EIF2S2: variants seen among roughly 807,000 people sequenced by gnomAD.
EIF2S2 encodes the protein eukaryotic translation initiation factor 2 subunit beta.
In EIF2S2, 4 loss-of-function variants were observed where a neutral mutation model predicts 44.0. The ratio of observed to expected loss-of-function variants is 0.09; its 90% CI spans 0.04 to 0.21. EIF2S2 has a LOEUF of 0.21. EIF2S2 is among the 10% of genes least tolerant of loss of function. EIF2S2 has a pLI of 1.00. For synonymous variants in EIF2S2, 108 were observed against 128.3 expected (o/e 0.84, Z 1.07); for missense variants, 154 against 392.0 (o/e 0.39, Z 5.13).
At chr20:34,091,776 T>TTCG (rs4012181) in intron 7 of EIF2S2, among the ~76,000 whole-genome samples, 22 of 95,834 alleles carry the variant, frequency 2.3e-4, no homozygotes, top group African/African-American at 7.1e-4. Flanking sequence ...TTTATTTTTT[T>TTCG]GGGGGGGGGG....
At chr20:34,099,292 G>A (rs1460506010) in intron 3 of EIF2S2, among the ~76,000 whole-genome samples, 1 of 151,952 alleles carries the variant, frequency 6.6e-6, no homozygotes, top group Non-Finnish European at 1.5e-5. Flanking sequence ...AGGAAGCAGA[G>A]GTTGCAGTGA....
In EIF2S2 at chr20:34,097,524, TAAAA is replaced by T; in HGVS notation, c.434-12_434-9del. 6.2e-7 allele frequency: 1 copy of T among 1,610,600 alleles called. No homozygotes were observed. The highest frequency in any genetic ancestry group is 8.5e-7 in the Non-Finnish European group (1 of 1,179,290). On this transcript the variant is annotated splice_polypyrimidine_tract_variant and intron_variant, in intron 4 of 8. Coordinates refer to ENST00000374980, the MANE Select transcript of EIF2S2 (RefSeq NM_003908.5). ...TGTCTTCATCTTCTAGAGCTACAGA[TAAAA>T]AAGATTTTAAGAATGAGGGGTGGGC... is the stretch of plus-strand genomic sequence containing the variant.
chr20:34,103,863 T>A (rs532973003), intron 2 of EIF2S2, among the ~76,000 whole-genome samples: 1 of 152,252 alleles, frequency 6.6e-6, no homozygotes, highest in East Asian at 1.9e-4. Context: ...TGTGCCACCA[T>A]GCCCAGCAAA....
chr20:34,098,648 T>C lies in EIF2S2; in HGVS notation c.298-15A>G. 1.9e-6 allele frequency: 3 copies of C among 1,612,970 alleles called. No homozygotes were observed. Among genetic ancestry groups the C allele is most frequent in the Non-Finnish European group, 2.5e-6 (3 of 1,179,730 alleles). ...ATCTTAAGATCCTAAGAAAGTGAGA[T>C]GAGTCTGAACATTTGATACTGGGAC... On this transcript the variant is annotated splice_polypyrimidine_tract_variant and intron_variant, in intron 3 of 8. Transcript: ENST00000374980.
chr20:34,103,639 C>A (rs2034317829), intron 2 of EIF2S2, 74 bp from the exon 3 acceptor site: 3 of 1,418,134 alleles, frequency 2.1e-6, no homozygotes, highest in East Asian at 2.8e-5. Flanking sequence ...AAACATAGTT[C>A]AGCAATTAAT....
At chr20:34,105,588 T>C in intron 1 of EIF2S2, 43 bp from the exon 2 acceptor site, 1 of 1,481,010 alleles carries the variant, frequency 6.8e-7, no homozygotes, top group Non-Finnish European at 9.0e-7. Context: ...AATGATTGTT[T>C]TTAATGATGC....
rs1441194419 is a variant in EIF2S2, at chr20:34,088,363, G to A, written c.*1367C>T. The stretch of plus-strand genomic sequence containing the variant: ...TTCATGTAGAAATATCCAACATTGG[G>A]AATCGTGTGGGTGTAGATACAAAAA... On this transcript the variant is annotated 3_prime_UTR_variant, in exon 9 of 9. Coordinates refer to ENST00000374980, the MANE Select transcript of EIF2S2 (RefSeq NM_003908.5). 1 of 152,570 alleles carries A rather than the reference G, an allele frequency of 6.6e-6. No individual in the cohort carries two copies. Among genetic ancestry groups the A allele is most frequent in the Non-Finnish European group, 1.5e-5 (1 of 68,034 alleles). The allele number at this position is 152,570 out of a possible 1,614,324, so 9.5% of individuals were successfully genotyped here.
intron 3 of EIF2S2, among the ~76,000 whole-genome samples, chr20:34,100,582 C>T (rs2034284342): frequency 6.6e-6 from 1 of 151,354 alleles, no homozygotes; most frequent in Non-Finnish European, 1.5e-5. Context: ...TACCAAAGAC[C>T]CTGTTATCAC....
chr20:34,092,852 G>GT (rs2034183386), intron 7 of EIF2S2, among the ~76,000 whole-genome samples: 1 of 152,208 alleles, frequency 6.6e-6, no homozygotes, highest in Admixed American at 6.5e-5. Flanking sequence ...TGTCAAGCCT[G>GT]TTAGGTGATC....
intron 6 of EIF2S2, among the ~76,000 whole-genome samples, chr20:34,094,582 T>C (rs944875515): frequency 3.5e-4 from 54 of 152,154 alleles, no homozygotes; most frequent in African/African-American, 1.3e-3. Flanking sequence ...AGAAAGTGTA[T>C]GTCTAGAAGG....
intron 1 of EIF2S2, among the ~76,000 whole-genome samples, chr20:34,110,573 C>A (rs1341272321): frequency 6.6e-6 from 1 of 152,192 alleles, no homozygotes; most frequent in Non-Finnish European, 1.5e-5. Context: ...GCCATCTTTG[C>A]TTCACAAAAT....
At chr20:34,095,521 C>A (rs1206983374) in intron 6 of EIF2S2, among the ~76,000 whole-genome samples, 3 of 152,148 alleles carry the variant, frequency 2.0e-5, no homozygotes, top group African/African-American at 7.2e-5. Flanking sequence ...ACTATGTTGG[C>A]CAGCCTGGTC....
chr20:34,093,864 C>T, intron 6 of EIF2S2, 133 bp from the exon 7 acceptor site: 3 of 769,426 alleles, frequency 3.9e-6, no homozygotes, highest in Non-Finnish European at 6.1e-6. Flanking sequence ...TTTATTTAAA[C>T]TTTGAAATAA....
intron 6 of EIF2S2, among the ~76,000 whole-genome samples, chr20:34,096,156 T>C (rs566522467): frequency 6.6e-5 from 10 of 152,192 alleles, no homozygotes; most frequent in Admixed American, 3.9e-4. Flanking sequence ...GAGAACTACA[T>C]TGAGCCTCCT....
chr20:34,089,846 G>C lies in EIF2S2; in HGVS notation c.886C>G (p.Arg296Gly). The stretch of plus-strand genomic sequence containing the variant: ...GTTTCGCACTGTAGGAAATAGAGTC[G>C]TGTGTCCTTCTGCAGGATTGTGTCC... ...SPDTILQKDT[R>G]LYFLQCETCH... The change falls in exon 9 of 9, where the codon CGA becomes GGA. Residue 296 changes from arginine (R) to glycine (G), a missense_variant. Coordinates refer to ENST00000374980, the MANE Select transcript of EIF2S2 (RefSeq NM_003908.5). 1 of 1,613,880 alleles carries C rather than the reference G, an allele frequency of 6.2e-7. No individual in the cohort carries two copies. The highest frequency in any genetic ancestry group is 8.5e-7 in the Non-Finnish European group (1 of 1,179,856).
intron 7 of EIF2S2, 125 bp downstream of exon 7, chr20:34,093,550 A>C (rs1338431375): frequency 1.4e-5 from 11 of 788,514 alleles, no homozygotes; most frequent in African/African-American, 1.8e-5. Flanking sequence ...TCACTCCTCC[A>C]CTGGCCTAAA....
intron 1 of EIF2S2, among the ~76,000 whole-genome samples, chr20:34,107,199 G>C (rs2034359905): frequency 6.6e-6 from 1 of 151,934 alleles, no homozygotes; most frequent in Non-Finnish European, 1.5e-5. Flanking sequence ...AGAAAGTGCA[G>C]GGTCTTTGAA....
chr20:34,111,621 A>C (rs1490066207), intron 1 of EIF2S2, among the ~76,000 whole-genome samples: 1 of 152,174 alleles, frequency 6.6e-6, no homozygotes, highest in Non-Finnish European at 1.5e-5. Context: ...GAAGGCAAAC[A>C]AGGGCGGGAT....
rs1367446187 is a variant in EIF2S2, at chr20:34,088,895, G to C, written c.*835C>G. On this transcript the variant is annotated 3_prime_UTR_variant, in exon 9 of 9. Transcript: ENST00000374980. ...CACAAGTTGGCTAGGAAAACGGAAA[G>C]CTTCCTCTGGCATCCCTGTTTGGAC... The C allele has an allele frequency of 6.6e-6, 1 of 152,390 alleles. No homozygotes were observed. The highest frequency in any genetic ancestry group is 1.5e-5 in the Non-Finnish European group (1 of 68,028). 9.4% of individuals were successfully genotyped at this position (152,390 alleles called of 1,614,324 possible). A position where few individuals can be genotyped will look rare whatever the true frequency, so the allele number is the denominator to read the frequency against.
Sources: gnomAD v4.1 joint callset for allele counts (sites outside exome capture counted in the v4.1 genomes callset) on GRCh38, gnomAD v4.1.1 for gene constraint, MANE v1.5 for transcripts, NCBI Gene and HGNC (gene_info 2026-07-23, HGNC 2026-07-21) for gene names.